The following PRKAR1A variants were observed in gnomAD, a reference collection of about 807,000 sequenced individuals.
PRKAR1A encodes the protein protein kinase cAMP-dependent type I regulatory subunit alpha, also known as cAMP-dependent protein kinase type I-alpha regulatory subunit.
Under a neutral mutation model 52.0 loss-of-function variants are expected in PRKAR1A, and 3 were observed. The ratio of observed to expected loss-of-function variants is 0.06; its 90% confidence interval spans 0.03 to 0.15. The LOEUF is 0.15. Ranked by LOEUF, PRKAR1A falls within the 10% of genes least tolerant of loss-of-function variation. The pLI, the probability that PRKAR1A is intolerant of heterozygous loss-of-function variation, is 1.00. For synonymous variants in PRKAR1A, 188 were observed against 168.4 expected (o/e 1.12, Z -0.90); for missense variants, 240 against 477.4 (o/e 0.50, Z 4.63).
the PRKAR1A span, among the ~76,000 whole-genome samples, chr17:68,494,327 G>A: frequency 1.1e-4 from 16 of 152,050 alleles, no homozygotes; most frequent in African/African-American, 3.9e-4. Context: ...ATCATTTCAG[G>A]TCAGGAGTTC....
At chr17:68,480,664 C>CA in the PRKAR1A span, among the ~76,000 whole-genome samples, 1 of 152,214 alleles carries the variant, frequency 6.6e-6, no homozygotes, top group Non-Finnish European at 1.5e-5. Flanking sequence ...CCTCCTGCCT[C>CA]AGCCTCCTGA....
the PRKAR1A span, among the ~76,000 whole-genome samples, chr17:68,415,979 A>G: frequency 6.6e-6 from 1 of 152,044 alleles, no homozygotes; most frequent in African/African-American, 2.4e-5. Context: ...GCTGTTTTGT[A>G]TTTTTTTAAG....
chr17:68,480,837 C>T, the PRKAR1A span, among the ~76,000 whole-genome samples: 26 of 152,294 alleles, frequency 1.7e-4, no homozygotes, highest in African/African-American at 6.3e-4. Flanking sequence ...CCACCGTGCC[C>T]AGCCAACACA....
chr17:68,463,405 C>A, the PRKAR1A span, among the ~76,000 whole-genome samples: 3 of 152,152 alleles, frequency 2.0e-5, no homozygotes, highest in African/African-American at 4.8e-5. Context: ...ATTCATTCAT[C>A]CATTCATTCA....
the PRKAR1A span, chr17:68,426,251 G>GGGGGGGGGGA: frequency 6.1e-6 from 5 of 825,460 alleles, 2 homozygotes; most frequent in South Asian, 2.6e-5. Flanking sequence ...GTGGGGAGCG[G>GGGGGGGGGGA]GGGCTCAAAT....
At chr17:68,414,267 A>G in the PRKAR1A span, 1 of 152,218 alleles carries the variant, frequency 6.6e-6, no homozygotes, top group Non-Finnish European at 1.5e-5. Flanking sequence ...GCATCTATTG[A>G]GATGACCATG....
the PRKAR1A span, among the ~76,000 whole-genome samples, chr17:68,490,292 T>C: frequency 6.6e-6 from 1 of 152,172 alleles, no homozygotes; most frequent in Non-Finnish European, 1.5e-5. Flanking sequence ...ATTTATCCCA[T>C]TGGGGCCCTT....
chr17:68,515,248 T>A, intron 1 of PRKAR1A, 146 bp from the exon 2 acceptor site: 1 of 765,306 alleles, frequency 1.3e-6, no homozygotes. Flanking sequence ...TTTTATTCCC[T>A]AGTCCCCACT....
In PRKAR1A at chr17:68,533,331, T is replaced by A. The variant is rs1371975871; in HGVS notation, c.*2882T>A. ...TAGAAGAGCATTCTTTAAATTGTGT[T>A]GCTTTGAACATGTGTACCTTTTCTA... On this transcript the variant is annotated 3_prime_UTR_variant, in exon 11 of 11. Coordinates refer to ENST00000589228, the MANE Select transcript of PRKAR1A (RefSeq NM_002734.5). 9.4e-7 allele frequency: 1 copy of A among 1,063,206 alleles called. No homozygotes were observed. Among genetic ancestry groups the A allele is most frequent in the Admixed American group, 5.4e-5 (1 of 18,686 alleles). The allele number at this position is 1,063,206 out of a possible 1,614,324, so 65.9% of individuals were successfully genotyped here. A position where few individuals can be genotyped will look rare whatever the true frequency, so the allele number is the denominator to read the frequency against.
At chr17:68,539,118 A>T (rs961537950) in intron 11 of PRKAR1A, among the ~76,000 whole-genome samples, 1 of 152,226 alleles carries the variant, frequency 6.6e-6, no homozygotes, top group Non-Finnish European at 1.5e-5. Context: ...TAAAAATACC[A>T]TATTATTAAT....
At chr17:68,414,696 C>A in the PRKAR1A span, among the ~76,000 whole-genome samples, 1 of 152,072 alleles carries the variant, frequency 6.6e-6, no homozygotes, top group South Asian at 2.1e-4. Context: ...TAAAAATTAC[C>A]ATTTTAATCT....
chr17:68,525,275 A>G (rs1222313240), intron 6 of PRKAR1A, among the ~76,000 whole-genome samples: 1 of 150,608 alleles, frequency 6.6e-6, no homozygotes. Context: ...TGGGCAACAA[A>G]GTGAAACCTC....
intron 11 of PRKAR1A, among the ~76,000 whole-genome samples, chr17:68,538,816 C>T (rs1471659745): frequency 6.6e-6 from 1 of 152,234 alleles, no homozygotes; most frequent in Non-Finnish European, 1.5e-5. Context: ...AATCCTAATT[C>T]ATCCTATGTG....
At chr17:68,496,283 C>A in the PRKAR1A span, among the ~76,000 whole-genome samples, 2 of 151,496 alleles carry the variant, frequency 1.3e-5, no homozygotes, top group Non-Finnish European at 2.9e-5. Flanking sequence ...CTCAAATGAT[C>A]CACCTCCCTT....
At chr17:68,541,217 C>T (rs1212230645) in intron 11 of PRKAR1A, 6 of 479,234 alleles carry the variant, frequency 1.3e-5, no homozygotes, top group African/African-American at 2.0e-5. Flanking sequence ...GGGGAGAGGC[C>T]GGGGCAGGCA....
chr17:68,507,504 C>G (rs962831249), upstream of PRKAR1A, among the ~76,000 whole-genome samples: 7 of 152,102 alleles, frequency 4.6e-5, no homozygotes, highest in African/African-American at 1.7e-4. Context: ...GTTGGGGAGG[C>G]AGGGAGGGGG....
chr17:68,496,176 G>A, the PRKAR1A span, among the ~76,000 whole-genome samples: 1 of 145,944 alleles, frequency 6.9e-6, no homozygotes, highest in African/African-American at 2.6e-5. Context: ...TGGGTAGCTG[G>A]AATTACAGGC....
chr17:68,474,807 A>AG, the PRKAR1A span, among the ~76,000 whole-genome samples: 1 of 152,110 alleles, frequency 6.6e-6, no homozygotes, highest in African/African-American at 2.4e-5. Context: ...GCTTGAACCC[A>AG]GGAGTGGAGG....
chr17:68,421,115 G>A, the PRKAR1A span: 1 of 154,556 alleles, frequency 6.5e-6, no homozygotes, highest in Admixed American at 6.4e-5. Flanking sequence ...ACCAAAGTTA[G>A]GTCGTTTTCC....
Sources: allele counts gnomAD v4.1 joint callset (sites outside exome capture counted in the v4.1 genomes callset), GRCh38; gene constraint gnomAD v4.1.1; transcripts MANE v1.5; gene names NCBI Gene and HGNC (gene_info 2026-07-23, HGNC 2026-07-21).